TRIB2: variants seen among roughly 807,000 people sequenced by gnomAD.
TRIB2 encodes the protein tribbles homolog 2.
Under a neutral mutation model 26.8 loss-of-function variants are expected in TRIB2, and 2 were observed. The observed-to-expected ratio is 0.07, with a 90% CI of 0.03 to 0.24. TRIB2 has a LOEUF of 0.24. TRIB2 is among the 10% of genes least tolerant of loss of function. The pLI is 1.00. For missense variants in TRIB2, 306 were observed against 449.0 expected (o/e 0.68, Z 2.88); for synonymous variants, 189 against 187.3 (o/e 1.01, Z -0.08).
At position 12,718,162 on chromosome 2, in the gene TRIB2, T is replaced by G. The variant is rs889491288; in HGVS notation, c.-146T>G. 3 of 1,163,410 alleles carry G rather than the reference T, an allele frequency of 2.6e-6. No individual in the cohort carries two copies. Among genetic ancestry groups the G allele is most frequent in the Admixed American group, 5.8e-5 (2 of 34,686 alleles). 72.1% of individuals were successfully genotyped at this position (1,163,410 alleles called of 1,614,324 possible). A position where few individuals can be genotyped will look rare whatever the true frequency, so the allele number is the denominator to read the frequency against. Reference sequence around the variant, plus strand: ...CGGCGCCCATTTGGGGGCTTCTAACTCTTTCTCCACGCAGCCCCTCTTCTG... The same window carrying G: ...CGGCGCCCATTTGGGGGCTTCTAACGCTTTCTCCACGCAGCCCCTCTTCTG... On this transcript the variant is annotated 5_prime_UTR_variant, in exon 1 of 3. Coordinates refer to ENST00000155926, the MANE Select transcript of TRIB2 (RefSeq NM_021643.4). The surrounding 1 kb of genome is among the most constrained non-coding windows in gnomAD (Gnocchi z 4.0).
chr2:12,717,918 A>C lies in TRIB2; in HGVS notation c.-390A>C. On this transcript the variant is annotated 5_prime_UTR_variant, in exon 1 of 3. Coordinates refer to ENST00000155926, the MANE Select transcript of TRIB2 (RefSeq NM_021643.4). This position sits in a 1 kb window ranked among gnomAD's most constrained non-coding sequence, Gnocchi z 4.8. ...CTCCTCCGCCCCGTCTGCGATTCGG[A>C]AGCCGGCCTGGGGGTCGCGTCGGGA... 4.1e-6 allele frequency: 1 copy of C among 243,480 alleles called. No homozygotes were observed. The highest frequency in any genetic ancestry group is 7.9e-6 in the Non-Finnish European group (1 of 126,854). The allele number at this position is 243,480 out of a possible 1,614,324, so 15.1% of individuals were successfully genotyped here. A position where few individuals can be genotyped will look rare whatever the true frequency, so the allele number is the denominator to read the frequency against.
intron 1 of TRIB2, among the ~76,000 whole-genome samples, chr2:12,722,963 T>C (rs184314618): frequency 6.6e-6 from 1 of 152,366 alleles, no homozygotes; most frequent in East Asian, 1.9e-4. Flanking sequence ...ATTATTTCTG[T>C]ACTGCATTAC....
intron 2 of TRIB2, among the ~76,000 whole-genome samples, chr2:12,730,395 A>T (rs1413800370): frequency 1.3e-5 from 2 of 152,234 alleles, no homozygotes; most frequent in African/African-American, 4.8e-5. Context: ...GGAAATAGAC[A>T]ACAGGTAAAA....
At chr2:12,727,144 C>A (rs1413150542) in intron 2 of TRIB2, among the ~76,000 whole-genome samples, 1 of 152,190 alleles carries the variant, frequency 6.6e-6, no homozygotes, top group African/African-American at 2.4e-5. Context: ...CTCTTCTTAG[C>A]TACCTGATCT....
chr2:12,721,068 A>G (rs1447173881), intron 1 of TRIB2, among the ~76,000 whole-genome samples: 1 of 152,162 alleles, frequency 6.6e-6, no homozygotes, highest in Non-Finnish European at 1.5e-5. Context: ...CGTGAAGATG[A>G]TGGTTTAAAT....
At chr2:12,734,490 C>G (rs571786905) in intron 2 of TRIB2, among the ~76,000 whole-genome samples, 1 of 152,204 alleles carries the variant, frequency 6.6e-6, no homozygotes, top group African/African-American at 2.4e-5. Context: ...TGGGGACTTG[C>G]ATTTCGTGCT....
chr2:12,718,120 G>GC lies in TRIB2; in HGVS notation c.-187dup. 1 of 790,098 alleles carries GC rather than the reference G, an allele frequency of 1.3e-6. No homozygotes were observed. The allele number at this position is 790,098 out of a possible 1,614,324, so 48.9% of individuals were successfully genotyped here. ...AGGACCCCCGGGAGCCGGGCTCGGAGCAGACGAGGTATCCGGCGGCGCCCA... is the reference window on the plus strand; with the variant it reads ...AGGACCCCCGGGAGCCGGGCTCGGAGCCAGACGAGGTATCCGGCGGCGCCCA... On this transcript the variant is annotated 5_prime_UTR_variant, in exon 1 of 3. Coordinates refer to ENST00000155926, the MANE Select transcript of TRIB2 (RefSeq NM_021643.4). The surrounding 1 kb of genome is among the most constrained non-coding windows in gnomAD (Gnocchi z 4.0).
Position 12,723,481 on chromosome 2 carries a change from C to T in TRIB2, c.492C>T (p.Ala164=), listed in dbSNP as rs768253815. Residue 164 remains alanine, a synonymous_variant, in exon 2 of 3, where the codon GCC becomes GCT. Coordinates refer to ENST00000155926, the MANE Select transcript of TRIB2 (RefSeq NM_021643.4). ...TCTACCAGATTGCCTCGGCAGTGGCCCACTGCCATGACGGGGGGCTGGTGC... is the reference window on the plus strand; with the variant it reads ...TCTACCAGATTGCCTCGGCAGTGGCTCACTGCCATGACGGGGGGCTGGTGC... The part of the protein sequence containing the change: ...RLFYQIASAV[A]HCHDGGLVLR... 4.3e-6 allele frequency: 7 copies of T among 1,614,064 alleles called. No homozygotes were observed. The highest frequency in any genetic ancestry group is 5.9e-6 in the Non-Finnish European group (7 of 1,180,048).
At chr2:12,734,625 G>A (rs1013816302) in intron 2 of TRIB2, among the ~76,000 whole-genome samples, 2 of 152,012 alleles carry the variant, frequency 1.3e-5, no homozygotes, top group Admixed American at 6.5e-5. Flanking sequence ...TAGGCTCCTC[G>A]GTAGATACCG....
At position 12,718,229 on chromosome 2, in the gene TRIB2, G is replaced by A. The variant is rs1666643866; in HGVS notation, c.-79G>A. 1 of 1,540,172 alleles carries A rather than the reference G, an allele frequency of 6.5e-7. No homozygotes were observed. Among genetic ancestry groups the A allele is most frequent in the Non-Finnish European group, 8.7e-7 (1 of 1,143,252 alleles). The stretch of plus-strand genomic sequence containing the variant: ...TCCCTTTTAAAATCAGTGGCACCGA[G>A]GCGCCTGCAGCCGCACTCGCCAGCG... On this transcript the variant is annotated 5_prime_UTR_variant, in exon 1 of 3. Transcript: ENST00000155926. This position sits in a 1 kb window ranked among gnomAD's most constrained non-coding sequence, Gnocchi z 4.0.
chr2:12,740,445 G>C lies in TRIB2; in HGVS notation c.683G>C (p.Gly228Ala), dbSNP rs1365963810. 1 of 1,614,154 alleles carries C rather than the reference G, an allele frequency of 6.2e-7. No homozygotes were observed. Among genetic ancestry groups the C allele is most frequent in the Non-Finnish European group, 8.5e-7 (1 of 1,180,026 alleles). Reference protein sequence around the residue: ...YVSPEILNTSGSYSGKAADVW... With the variant: ...YVSPEILNTSASYSGKAADVW... ...AGCCCAGAGATCTTGAACACCAGTG[G>C]CAGCTACTCGGGCAAAGCAGCCGAC... The change falls in exon 3 of 3, where the codon GGC (glycine) becomes GCC (alanine). Residue 228 changes from glycine to alanine, a missense_variant. Gly to Ala is a moderately conservative substitution (Grantham distance 60). Coordinates refer to ENST00000155926, the MANE Select transcript of TRIB2 (RefSeq NM_021643.4). This position sits in a 1 kb window ranked among gnomAD's most constrained non-coding sequence, Gnocchi z 5.8.
In TRIB2 at chr2:12,740,371, G is replaced by C. The variant is rs150404135; in HGVS notation, c.609G>C (p.Arg203=). Residue 203 remains arginine, a synonymous_variant, in exon 3 of 3, where the codon CGG becomes CGC. Coordinates refer to ENST00000155926, the MANE Select transcript of TRIB2 (RefSeq NM_021643.4). This position sits in a 1 kb window ranked among gnomAD's most constrained non-coding sequence, Gnocchi z 5.8. ...GCCTGGAAGACGCCTACATTCTGCGGGGAGATGATGATTCCCTCTCCGACA... is the reference window on the plus strand; with the variant it reads ...GCCTGGAAGACGCCTACATTCTGCGCGGAGATGATGATTCCCTCTCCGACA... The part of the protein sequence containing the change: ...LESLEDAYIL[R]GDDDSLSDKH... 3.1e-4 allele frequency: 500 copies of C among 1,614,150 alleles called. No homozygotes were observed. The African/African-American group carries it at 4.9e-3, about 16-fold the overall frequency.
Position 12,740,637 on chromosome 2 carries a change from A to T in TRIB2, c.875A>T (p.Glu292Val), listed in dbSNP as rs1186167312. Residue 292 changes from glutamate (E) to valine (V), a missense_variant, in exon 3 of 3, where the codon GAG becomes GTG. Glu to Val is a moderately radical substitution (Grantham distance 121). Transcript: ENST00000155926. This position sits in a 1 kb window ranked among gnomAD's most constrained non-coding sequence, Gnocchi z 5.8. The part of the protein sequence containing the change: ...KCLIRSILRR[E>V]PSERLTSQEI... ...CTCATCCGAAGCATTCTGCGTCGGG[A>T]GCCCTCAGAGCGGCTGACCTCGCAG... is the stretch of plus-strand genomic sequence containing the variant. 2 of 1,614,116 alleles carry T rather than the reference A, an allele frequency of 1.2e-6. No homozygotes were observed. Among genetic ancestry groups the T allele is most frequent in the Non-Finnish European group, 1.7e-6 (2 of 1,180,036 alleles).
At position 12,740,855 on chromosome 2, in the gene TRIB2, TC is replaced by T; in HGVS notation, c.*62del. ...GTGAGCGAGGGCAGCGGAAAGGAGT[TC>T]TTCCGGGGGACACGAATTGCCTGGC... On this transcript the variant is annotated 3_prime_UTR_variant, in exon 3 of 3. Transcript: ENST00000155926. The surrounding 1 kb of genome is among the most constrained non-coding windows in gnomAD (Gnocchi z 5.8). 1 of 1,466,568 alleles carries T rather than the reference TC, an allele frequency of 6.8e-7. No individual in the cohort carries two copies. The highest frequency in any genetic ancestry group is 1.3e-5 in the South Asian group (1 of 78,902). The allele number at this position is 1,466,568 out of a possible 1,614,324, so 90.8% of individuals were successfully genotyped here. A position where few individuals can be genotyped will look rare whatever the true frequency, so the allele number is the denominator to read the frequency against.
rs538954979 is a variant in TRIB2, at chr2:12,720,827, T to C, written c.270+2250T>C. Among the ~76,000 whole-genome samples, 3 of 152,360 alleles carry C rather than the reference T, an allele frequency of 2.0e-5. No individual in the cohort carries two copies. In the South Asian group the frequency reaches 6.2e-4, roughly 32 times the overall value. On this transcript the variant is annotated intron_variant, in intron 1 of 2. Transcript: ENST00000155926. ...TCTCCATGTACCTACTTTTGCTAGA[T>C]GAATGAAGGCACTTTAAGGAGTCTT...
At chr2:12,720,115 T>A (rs180783037) in intron 1 of TRIB2, among the ~76,000 whole-genome samples, 4 of 152,238 alleles carry the variant, frequency 2.6e-5, no homozygotes, top group African/African-American at 7.2e-5. Context: ...TGCTTTTAAG[T>A]ATAGGGACTC....
At chr2:12,738,293 T>C (rs1254548983) in intron 2 of TRIB2, among the ~76,000 whole-genome samples, 1 of 152,212 alleles carries the variant, frequency 6.6e-6, no homozygotes, top group Admixed American at 6.5e-5. Context: ...CTCTGACTTA[T>C]GACCCAATGT....
rs1309486487 is a variant in TRIB2 at position 12,718,730 on chromosome 2, G to C, written c.270+153G>C. ...TTATTTATTTGCTCAGGTTCGGTAA[G>C]TTGCGAAGTTTTTAGACCGTTTCAG... On this transcript the variant is annotated intron_variant, in intron 1 of 2. Coordinates refer to ENST00000155926, the MANE Select transcript of TRIB2 (RefSeq NM_021643.4). The surrounding 1 kb of genome is among the most constrained non-coding windows in gnomAD (Gnocchi z 4.0). Among the ~76,000 whole-genome samples the C allele has an allele frequency of 6.6e-6, 1 of 152,182 alleles. No homozygotes were observed. Among genetic ancestry groups the C allele is most frequent in the Admixed American group, 6.5e-5 (1 of 15,276 alleles).
Position 12,740,990 on chromosome 2 carries a change from G to A in TRIB2, c.*196G>A, listed in dbSNP as rs936990392. The A allele has an allele frequency of 3.4e-6, 2 of 591,272 alleles. No homozygotes were observed. Among genetic ancestry groups the A allele is most frequent in the African/African-American group, 1.9e-5 (1 of 53,660 alleles). 36.6% of individuals were successfully genotyped at this position (591,272 alleles called of 1,614,324 possible). On this transcript the variant is annotated 3_prime_UTR_variant, in exon 3 of 3. Transcript: ENST00000155926. The surrounding 1 kb of genome is among the most constrained non-coding windows in gnomAD (Gnocchi z 5.8). Reference sequence around the variant, plus strand: ...GGGCAAGAGGCGTGGGATGGGGATTGGGGTGAGATGGATGGGAGCCCGCTG... The same window carrying A: ...GGGCAAGAGGCGTGGGATGGGGATTAGGGTGAGATGGATGGGAGCCCGCTG...
Sources: allele counts gnomAD v4.1 joint callset (sites outside exome capture counted in the v4.1 genomes callset), GRCh38; gene constraint gnomAD v4.1.1; non-coding constraint Gnocchi (gnomAD v3.1); transcripts MANE v1.5; gene names NCBI Gene and HGNC (gene_info 2026-07-23, HGNC 2026-07-21).